The following GALNT18 variants were observed in gnomAD, a reference collection of about 807,000 sequenced individuals.
The protein encoded by GALNT18 is GalNAc-transferase 18.
Under a neutral mutation model 69.5 loss-of-function variants are expected in GALNT18, and 44 were observed. The observed-to-expected ratio is 0.63, with a 90% CI of 0.50 to 0.81. The LOEUF (loss-of-function observed/expected upper bound fraction) is 0.81. Among genes scored for constraint, GALNT18 ranks in the 40% least tolerant of loss-of-function variants. GALNT18 has a pLI of 0.00. For missense variants in GALNT18, 715 were observed against 810.0 expected (o/e 0.88, Z 1.42); for synonymous variants, 364 against 318.2 (o/e 1.14, Z -1.53).
rs151290102 is a variant in GALNT18 at position 11,568,460 on chromosome 11, G to A, written c.235+52899C>T. ...GGCTCCTTAAGAAGTGAATCTTCCC[G>A]GCAACACCCTTAGTTCATGACTCAT... On this transcript the variant is annotated intron_variant, in intron 1 of 10. Coordinates refer to ENST00000227756, the MANE Select transcript of GALNT18 (RefSeq NM_198516.3). 3.7e-4 allele frequency among the ~76,000 whole-genome samples: 56 copies of A among 152,136 alleles called. No individual in the cohort carries two copies. The East Asian group carries it at 9.1e-3, about 25-fold the overall frequency.
Position 11,511,146 on chromosome 11 carries a change from C to G in GALNT18, c.236-62210G>C, listed in dbSNP as rs1008060155. On this transcript the variant is annotated intron_variant, in intron 1 of 10. Transcript: ENST00000227756. The surrounding 1 kb of genome is among the most constrained non-coding windows in gnomAD (Gnocchi z 4.9). Reference sequence around the variant, plus strand: ...CGGGGGTTGTAAAAACAGGCTGCCCCTCCTTTTGGACTGAATGAGGTTTCT... The same window carrying G: ...CGGGGGTTGTAAAAACAGGCTGCCCGTCCTTTTGGACTGAATGAGGTTTCT... Among the ~76,000 whole-genome samples the G allele has an allele frequency of 6.6e-6, 1 of 152,188 alleles. No homozygotes were observed. The highest frequency in any genetic ancestry group is 6.5e-5 in the Admixed American group (1 of 15,284).
At chr11:11,438,598 A>T (rs1343497727) in intron 2 of GALNT18, among the ~76,000 whole-genome samples, 1 of 152,182 alleles carries the variant, frequency 6.6e-6, no homozygotes, top group African/African-American at 2.4e-5. Context: ...CCAGGGTTTA[A>T]ACCTGGGCTC....
chr11:11,360,691 T>C (rs1384622744), intron 6 of GALNT18, among the ~76,000 whole-genome samples: 1 of 152,216 alleles, frequency 6.6e-6, no homozygotes, highest in Non-Finnish European at 1.5e-5. Context: ...CCAAGTTTAG[T>C]TTTCCTGAAT....
rs143704712 is a variant in GALNT18, at chr11:11,589,724, A to C, written c.235+31635T>G. Among the ~76,000 whole-genome samples the C allele has an allele frequency of 6.7e-3, 1,028 of 152,310 alleles. 15 individuals carry two copies. The highest frequency in any genetic ancestry group is 0.024 in the African/African-American group (977 of 41,566). ...CCCCTCACTCCCAAGAGAGCCACTGAGCACCACATAAGCCAGGAGCTTCAC... is the reference window on the plus strand; with the variant it reads ...CCCCTCACTCCCAAGAGAGCCACTGCGCACCACATAAGCCAGGAGCTTCAC... On this transcript the variant is annotated intron_variant, in intron 1 of 10. Transcript: ENST00000227756.
At chr11:11,512,333 C>T (rs772931675) in intron 1 of GALNT18, among the ~76,000 whole-genome samples, 9 of 152,198 alleles carry the variant, frequency 5.9e-5, no homozygotes, top group Admixed American at 1.3e-4. Context: ...TGTCAGACTC[C>T]GCCTGACCCA....
intron 3 of GALNT18, among the ~76,000 whole-genome samples, chr11:11,394,475 C>T (rs1299694813): frequency 6.6e-6 from 1 of 152,180 alleles, no homozygotes; most frequent in African/African-American, 2.4e-5. Context: ...GTTTGGATTC[C>T]TCCCACCTAA....
chr11:11,402,962 G>A lies in GALNT18; in HGVS notation c.596-23698C>T, dbSNP rs1854501343. Among the ~76,000 whole-genome samples the A allele has an allele frequency of 6.6e-6, 1 of 152,182 alleles. No individual in the cohort carries two copies. The highest frequency in any genetic ancestry group is 1.9e-4 in the East Asian group (1 of 5,178). ...TGCCCCAGGCATTCCCCTGAGGAAA[G>A]TGAGCCTCAGAACTGGGAAAGAAAA... is the stretch of plus-strand genomic sequence containing the variant. On this transcript the variant is annotated intron_variant, in intron 3 of 10. Transcript: ENST00000227756. This position sits in a 1 kb window ranked among gnomAD's most constrained non-coding sequence, Gnocchi z 4.0.
At chr11:11,349,025 T>A (rs1211808604) in intron 6 of GALNT18, among the ~76,000 whole-genome samples, 1 of 152,112 alleles carries the variant, frequency 6.6e-6, no homozygotes, top group African/African-American at 2.4e-5. Flanking sequence ...TATCCTGAAT[T>A]TTTTTAATAA....
chr11:11,418,692 G>A (rs547402189), intron 3 of GALNT18, among the ~76,000 whole-genome samples: 4 of 152,300 alleles, frequency 2.6e-5, no homozygotes, highest in African/African-American at 7.2e-5. Context: ...CTTTCTCATC[G>A]GTCTTTGGAT....
intron 1 of GALNT18, among the ~76,000 whole-genome samples, chr11:11,456,820 T>C (rs1449641897): frequency 2.0e-5 from 3 of 152,192 alleles, no homozygotes; most frequent in African/African-American, 4.8e-5. Context: ...AATGATCACA[T>C]AGGGCACCTG....
Position 11,332,582 on chromosome 11 carries a change from A to T in GALNT18, c.1416+112T>A. On this transcript the variant is annotated intron_variant, in intron 8 of 10. Transcript: ENST00000227756. The surrounding 1 kb of genome is among the most constrained non-coding windows in gnomAD (Gnocchi z 4.3). Reference sequence around the variant, plus strand: ...AACCCAGCGCCCGGTCCCCAGGCCTACTGCAGTTCTTCATGTGAGCAGCTG... The same window carrying T: ...AACCCAGCGCCCGGTCCCCAGGCCTTCTGCAGTTCTTCATGTGAGCAGCTG... The T allele has an allele frequency of 1.6e-6, 2 of 1,230,884 alleles. No individual in the cohort carries two copies. The highest frequency in any genetic ancestry group is 1.2e-6 in the Non-Finnish European group (1 of 866,582). 76.2% of individuals were successfully genotyped at this position (1,230,884 alleles called of 1,614,324 possible).
At chr11:11,374,508 T>C (rs1850990972) in intron 5 of GALNT18, among the ~76,000 whole-genome samples, 1 of 152,182 alleles carries the variant, frequency 6.6e-6, no homozygotes, top group Non-Finnish European at 1.5e-5. Context: ...ATTCCTAGTG[T>C]TGGACAGGGC....
At chr11:11,298,850 C>T (rs1487627806) in intron 9 of GALNT18, among the ~76,000 whole-genome samples, 1 of 152,178 alleles carries the variant, frequency 6.6e-6, no homozygotes, top group Non-Finnish European at 1.5e-5. Context: ...AGGCTTCTGT[C>T]CAGGAGGAGG....
chr11:11,563,991 C>G lies in GALNT18; in HGVS notation c.235+57368G>C, dbSNP rs553699864. ...GATCTGACATGATGGCTTGCTCCAA[C>G]GCCCTAAAAACCAGCAACGATCAAC... is the stretch of plus-strand genomic sequence containing the variant. On this transcript the variant is annotated intron_variant, in intron 1 of 10. Transcript: ENST00000227756. The surrounding 1 kb of genome is among the most constrained non-coding windows in gnomAD (Gnocchi z 4.6). Among the ~76,000 whole-genome samples the G allele has an allele frequency of 6.6e-6, 1 of 152,110 alleles. No homozygotes were observed. The highest frequency in any genetic ancestry group is 6.5e-5 in the Admixed American group (1 of 15,278).
chr11:11,459,062 C>T lies in GALNT18; in HGVS notation c.236-10126G>A, dbSNP rs1855984461. ...TATCCAGCAAAGCAAGATGTTATGCCTCTGCTTGTGATTAGGCTCCCAAAG... is the reference window on the plus strand; with the variant it reads ...TATCCAGCAAAGCAAGATGTTATGCTTCTGCTTGTGATTAGGCTCCCAAAG... On this transcript the variant is annotated intron_variant, in intron 1 of 10. Coordinates refer to ENST00000227756, the MANE Select transcript of GALNT18 (RefSeq NM_198516.3). This position sits in a 1 kb window ranked among gnomAD's most constrained non-coding sequence, Gnocchi z 5.0. 1.3e-5 allele frequency among the ~76,000 whole-genome samples: 2 copies of T among 152,138 alleles called. No individual in the cohort carries two copies. Among genetic ancestry groups the T allele is most frequent in the African/African-American group, 4.8e-5 (2 of 41,440 alleles).
At chr11:11,312,928 C>T (rs899921138) in intron 9 of GALNT18, among the ~76,000 whole-genome samples, 1 of 152,162 alleles carries the variant, frequency 6.6e-6, no homozygotes, top group African/African-American at 2.4e-5. Context: ...AGGAACTCAC[C>T]ATCTAGTGGT....
At chr11:11,448,975 C>T in intron 1 of GALNT18, 39 bp from the exon 2 acceptor site, 2 of 1,472,950 alleles carry the variant, frequency 1.4e-6, no homozygotes, top group Non-Finnish European at 9.1e-7. Flanking sequence ...GGTCAGAGTG[C>T]ACCCCTGCAT....
intron 1 of GALNT18, among the ~76,000 whole-genome samples, chr11:11,615,839 T>C: frequency 6.6e-6 from 1 of 152,220 alleles, no homozygotes; most frequent in East Asian, 1.9e-4. Context: ...TCTACAAGTT[T>C]AGGTCTCCTG....
intron 10 of GALNT18, among the ~76,000 whole-genome samples, chr11:11,284,359 C>T (rs904309003): frequency 4.6e-5 from 7 of 152,170 alleles, no homozygotes; most frequent in African/African-American, 1.7e-4. Flanking sequence ...AGATCACTGC[C>T]CCTCTCACTT....
Sources: allele counts gnomAD v4.1 joint callset (sites outside exome capture counted in the v4.1 genomes callset), GRCh38; gene constraint gnomAD v4.1.1; non-coding constraint Gnocchi (gnomAD v3.1); transcripts MANE v1.5; gene names NCBI Gene and HGNC (gene_info 2026-07-23, HGNC 2026-07-21).